HUWE1: variants seen among roughly 807,000 people sequenced by gnomAD.
HUWE1 encodes the protein HECT, UBA and WWE domain containing E3 ubiquitin protein ligase 1.
In HUWE1, 18 loss-of-function variants were observed where a neutral mutation model predicts 299.4. The ratio of observed to expected loss-of-function variants is 0.06; its 90% CI spans 0.04 to 0.09. The LOEUF is 0.09. Among genes scored for constraint, HUWE1 ranks in the 10% least tolerant of loss-of-function variants. The pLI, the probability that HUWE1 is intolerant of heterozygous loss-of-function variation, is 1.00. For missense variants in HUWE1, 1,832 were observed against 3,462.3 expected, an observed-to-expected ratio of 0.53 and a Z score of 11.82; for synonymous variants, 1,317 against 1,286.1, an observed-to-expected ratio of 1.02 and a Z score of -0.51.
At chrX:53,643,277 A>T (rs1557032636) in intron 7 of HUWE1, among the ~76,000 whole-genome samples, 1 of 111,934 alleles carries the variant, frequency 8.9e-6, no homozygotes, top group Non-Finnish European at 1.9e-5. Flanking sequence ...TTAAATTTAC[A>T]GTTTTAGCCA....
At chrX:53,574,318 C>T (rs1296314100) in intron 46 of HUWE1, among the ~76,000 whole-genome samples, 3 of 112,443 alleles carry the variant, frequency 2.7e-5, no homozygotes, top group African/African-American at 9.7e-5. Context: ...AAATGCTGAC[C>T]TCCTCCATAA....
chrX:53,562,305 C>T (rs1461560669), intron 53 of HUWE1, 61 bp from the exon 54 acceptor site: 3 of 1,167,454 alleles, frequency 2.6e-6, no homozygotes, highest in African/African-American at 1.8e-5. Context: ...GGCTACTGTG[C>T]AGGCCAGCAG....
intron 2 of HUWE1, 93 bp downstream of exon 2, chrX:53,686,177 T>A (rs782676209): frequency 1.8e-5 from 2 of 112,997 alleles, no homozygotes; most frequent in African/African-American, 6.4e-5. Context: ...TTCCCTCTCC[T>A]CTGAGGCCGC....
At chrX:53,586,393 CT>C (rs1556973281) in intron 39 of HUWE1, 96 bp downstream of exon 39, 1 of 554,184 alleles carries the variant, frequency 1.8e-6, no homozygotes, top group African/African-American at 2.3e-5. Context: ...TGGTCAGAGA[CT>C]TCTATATTCT....
chrX:53,548,392 G>C, intron 67 of HUWE1, 119 bp from the exon 68 acceptor site: 1 of 837,721 alleles, frequency 1.2e-6, no homozygotes, highest in South Asian at 2.2e-5. Context: ...TAAATATTGG[G>C]GGATATGTCA....
At chrX:53,634,321 G>GCCTCTGTCAAAAGACACCCATA in intron 7 of HUWE1, 23 bp from the exon 8 acceptor site, 1 of 1,139,454 alleles carries the variant, frequency 8.8e-7, no homozygotes, top group Non-Finnish European at 1.2e-6. Flanking sequence ...AAAAGATAGT[G>GCCTCTGTCAAAAGACACCCATA]TTAAGACAGT....
intron 23 of HUWE1, among the ~76,000 whole-genome samples, chrX:53,611,175 G>C (rs1939130296): frequency 1.1e-5 from 1 of 95,157 alleles, no homozygotes; most frequent in Admixed American, 1.2e-4. Flanking sequence ...GCAAATACTA[G>C]CTGCTGATTT....
intron 12 of HUWE1, among the ~76,000 whole-genome samples, chrX:53,630,333 A>G (rs1388120075): frequency 4.5e-5 from 5 of 111,837 alleles, no homozygotes; most frequent in African/African-American, 1.6e-4. Flanking sequence ...TATATCTTCT[A>G]TGTGCTTGTT....
At chrX:53,576,020 A>T (rs2063086322) in intron 44 of HUWE1, among the ~76,000 whole-genome samples, 1 of 112,436 alleles carries the variant, frequency 8.9e-6, no homozygotes, top group Non-Finnish European at 1.9e-5. Context: ...TACAAACCTT[A>T]AGTGAACATA....
In HUWE1 at chrX:53,592,378, G is replaced by A; in HGVS notation, c.3972+20C>T. ...TTGGGTGCAAAGTCTGGACCCTGGA[G>A]TGTGAGGCCAGTACCCTACCTGTTG... On this transcript the variant is annotated intron_variant, in intron 33 of 83. Coordinates refer to ENST00000262854, the MANE Select transcript of HUWE1 (RefSeq NM_031407.7). 1 of 1,144,740 alleles carries A rather than the reference G, an allele frequency of 8.7e-7. No homozygotes were observed. The highest frequency in any genetic ancestry group is 1.2e-6 in the Non-Finnish European group (1 of 836,375). The allele number at this position is 1,144,740 out of a possible 1,213,427, so 94.3% of individuals were successfully genotyped here.
chrX:53,557,341 C>T (rs1556935972), intron 60 of HUWE1, 41 bp downstream of exon 60: 1 of 1,144,134 alleles, frequency 8.7e-7, no homozygotes, highest in East Asian at 3.0e-5. Flanking sequence ...AAAGAAGCAA[C>T]CAATTGATTA....
intron 74 of HUWE1, among the ~76,000 whole-genome samples, chrX:53,542,111 A>AGGC (rs1437052028): frequency 1.5e-4 from 17 of 112,055 alleles, no homozygotes; most frequent in African/African-American, 5.5e-4. Flanking sequence ...TGAACCCAGG[A>AGGC]GGCAGAGGTT....
rs1484371039 is a variant in HUWE1, at chrX:53,548,875, CTAGCCTGCT to C, written c.10035+75_10035+83del. Reference sequence around the variant, plus strand: ...CTTAAAATAAGAGCAAAAAGACACGCTAGCCTGCTTAGTGTTCAACTTTCACCCAGGCTC... The same window carrying C: ...CTTAAAATAAGAGCAAAAAGACACGCTAGTGTTCAACTTTCACCCAGGCTC... On this transcript the variant is annotated intron_variant, in intron 67 of 83. Transcript: ENST00000262854. The C allele has an allele frequency of 1.5e-3, 1,264 of 818,919 alleles. 8 individuals are homozygous for C. In the African/African-American group the frequency reaches 0.022, roughly 15 times the overall value. 67.5% of individuals were successfully genotyped at this position (818,919 alleles called of 1,213,427 possible). A position where few individuals can be genotyped will look rare whatever the true frequency, so the allele number is the denominator to read the frequency against.
chrX:53,544,810 A>G, intron 71 of HUWE1, 48 bp from the exon 72 acceptor site: 1 of 1,049,559 alleles, frequency 9.5e-7, no homozygotes, highest in Non-Finnish European at 1.3e-6. Context: ...ATCAAAGTAT[A>G]AACACCCAAA....
intron 53 of HUWE1, 94 bp from the exon 54 acceptor site, chrX:53,562,338 T>C (rs1295938710): frequency 9.6e-6 from 10 of 1,040,097 alleles, no homozygotes; most frequent in Non-Finnish European, 1.3e-5. Context: ...GGTGATGGGA[T>C]ATCTGACTCT....
intron 2 of HUWE1, among the ~76,000 whole-genome samples, chrX:53,684,519 G>T (rs1188214067): frequency 1.8e-5 from 2 of 112,005 alleles, no homozygotes; most frequent in African/African-American, 6.5e-5. Context: ...CCCGATCTAG[G>T]TGTCTAGAGC....
rs899071200 is a variant in HUWE1 at position 53,580,964 on chromosome X, G to A, written c.5583C>T (p.Ser1861=). 15 of 1,208,197 alleles carry A rather than the reference G, an allele frequency of 1.2e-5. No homozygotes were observed. Among genetic ancestry groups the A allele is most frequent in the African/African-American group, 1.8e-5 (1 of 57,042 alleles). ...TGTAGTTGATCTCCCGAGAGCCGAG[G>A]CTGCCAGACACAACACCAGAGGTAG... ...GSTTSGVVSG[S]LGSREINYIL... The change falls in exon 43 of 84, where the codon AGC becomes AGT. Residue 1861 remains serine (S), a synonymous_variant. Coordinates refer to ENST00000262854, the MANE Select transcript of HUWE1 (RefSeq NM_031407.7).
At chrX:53,578,294 A>G (rs1602782167) in intron 43 of HUWE1, among the ~76,000 whole-genome samples, 1 of 96,560 alleles carries the variant, frequency 1.0e-5, no homozygotes. Context: ...TCCGGCAGCC[A>G]CCCCGTCTGG....
intron 46 of HUWE1, among the ~76,000 whole-genome samples, chrX:53,574,818 C>T (rs1346959521): frequency 4.5e-5 from 5 of 111,976 alleles, no homozygotes; most frequent in African/African-American, 1.3e-4. Flanking sequence ...GCATCCACCA[C>T]GTAAAGCATG....
Sources: allele counts gnomAD v4.1 joint callset (sites outside exome capture counted in the v4.1 genomes callset), GRCh38; gene constraint gnomAD v4.1.1; transcripts MANE v1.5; gene names NCBI Gene and HGNC (gene_info 2026-07-23, HGNC 2026-07-21).